ZMAT4: variants seen among roughly 807,000 people sequenced by gnomAD.
ZMAT4 encodes the protein zinc finger matrin-type 4.
Under a neutral mutation model 28.7 loss-of-function variants are expected in ZMAT4, and 17 were observed. The ratio of observed to expected loss-of-function variants is 0.59; its 90% CI spans 0.41 to 0.89. The LOEUF is 0.89. Among genes scored for constraint, ZMAT4 ranks in the 40% least tolerant of loss-of-function variants. The pLI, the probability that ZMAT4 is intolerant of heterozygous loss-of-function variation, is 0.00. For synonymous variants in ZMAT4, 117 were observed against 109.2 expected, an observed-to-expected ratio of 1.07 and a Z score of -0.44; for missense variants, 240 against 283.8, an observed-to-expected ratio of 0.85 and a Z score of 1.11.
At chr8:40,674,526 T>C (rs1808824063) in intron 5 of ZMAT4, 178 bp downstream of exon 5, 3 of 586,084 alleles carry the variant, frequency 5.1e-6, no homozygotes, top group Non-Finnish European at 9.1e-6. Context: ...AAGGAGATTA[T>C]AAAAATTAAA....
chr8:40,759,610 A>T (rs1479490516), intron 3 of ZMAT4, among the ~76,000 whole-genome samples: 6 of 152,114 alleles, frequency 3.9e-5, no homozygotes, highest in Admixed American at 3.9e-4. Flanking sequence ...TGTGAGAATT[A>T]CCTTTCTGAC....
intron 5 of ZMAT4, among the ~76,000 whole-genome samples, chr8:40,626,066 C>T (rs543252354): frequency 1.2e-4 from 17 of 146,130 alleles, no homozygotes; most frequent in African/African-American, 4.0e-4. Flanking sequence ...GCTGAGATTG[C>T]GCCATTGCAC....
intron 5 of ZMAT4, among the ~76,000 whole-genome samples, chr8:40,658,976 A>T (rs1177771649): frequency 6.6e-6 from 1 of 152,140 alleles, no homozygotes; most frequent in Non-Finnish European, 1.5e-5. Flanking sequence ...AAATATTATC[A>T]GTAGAAGGGT....
At chr8:40,731,204 A>G (rs895575516) in intron 3 of ZMAT4, among the ~76,000 whole-genome samples, 4 of 151,646 alleles carry the variant, frequency 2.6e-5, no homozygotes, top group Admixed American at 6.6e-5. Context: ...GATTTATAGG[A>G]CTGGTACCCA....
At chr8:40,532,727 G>A (rs1200084086) in intron 6 of ZMAT4, among the ~76,000 whole-genome samples, 2 of 152,104 alleles carry the variant, frequency 1.3e-5, no homozygotes, top group South Asian at 4.1e-4. Context: ...GCCAGGTGCA[G>A]TGGCTCATGC....
chr8:40,554,953 C>A (rs1262987006), intron 6 of ZMAT4, among the ~76,000 whole-genome samples: 1 of 152,046 alleles, frequency 6.6e-6, no homozygotes, highest in Non-Finnish European at 1.5e-5. Context: ...TCTCTTAATT[C>A]CACCTCCTCA....
rs541034740 is a variant in ZMAT4 at position 40,825,410 on chromosome 8, A to G, written c.102+165T>C. Among the ~76,000 whole-genome samples the G allele has an allele frequency of 2.6e-5, 4 of 152,268 alleles. No homozygotes were observed. In the East Asian group the frequency reaches 5.8e-4, roughly 22 times the overall value. On this transcript the variant is annotated intron_variant, in intron 2 of 6. Coordinates refer to ENST00000297737, the MANE Select transcript of ZMAT4 (RefSeq NM_024645.3). ...ATCCCCAACCCTCACTCCCAACCCCACACATATACACTTGTCCTGGCCTTG... is the reference window on the plus strand; with the variant it reads ...ATCCCCAACCCTCACTCCCAACCCCGCACATATACACTTGTCCTGGCCTTG...
chr8:40,601,552 AAAGAAAGAAAG>A (rs1805336177), intron 5 of ZMAT4, among the ~76,000 whole-genome samples: 1 of 139,042 alleles, frequency 7.2e-6, no homozygotes, highest in Non-Finnish European at 1.5e-5. Context: ...GGGGAGTGAG[AAAGAAAGAAAG>A]AAGAAAGAAA....
chr8:40,767,149 T>C (rs1380754684), intron 3 of ZMAT4, among the ~76,000 whole-genome samples: 1 of 152,222 alleles, frequency 6.6e-6, no homozygotes, highest in Non-Finnish European at 1.5e-5. Context: ...CAAGCAAATG[T>C]TCCTTCAGAG....
At chr8:40,619,111 G>A (rs1806114407) in intron 5 of ZMAT4, among the ~76,000 whole-genome samples, 1 of 152,162 alleles carries the variant, frequency 6.6e-6, no homozygotes, top group South Asian at 2.1e-4. Context: ...AGAAGGGGCA[G>A]GACTATTAAT....
chr8:40,820,727 G>C (rs1302696200), intron 2 of ZMAT4, among the ~76,000 whole-genome samples: 2 of 478 alleles, frequency 4.2e-3, no homozygotes, highest in Non-Finnish European at 9.2e-3. Context: ...ACGTGTGTAT[G>C]TCTGTGTATG....
chr8:40,549,871 A>G (rs926443929), intron 6 of ZMAT4, among the ~76,000 whole-genome samples: 3 of 152,182 alleles, frequency 2.0e-5, no homozygotes, highest in Non-Finnish European at 4.4e-5. Flanking sequence ...TAATGTACTG[A>G]GAATTTCTTT....
intron 5 of ZMAT4, among the ~76,000 whole-genome samples, chr8:40,641,676 T>A (rs1403333982): frequency 6.6e-6 from 1 of 152,160 alleles, no homozygotes; most frequent in Non-Finnish European, 1.5e-5. Flanking sequence ...CCCTCTTTTT[T>A]TATTCTTATT....
chr8:40,570,975 G>T (rs547062608), intron 6 of ZMAT4, among the ~76,000 whole-genome samples: 21 of 152,132 alleles, frequency 1.4e-4, no homozygotes, highest in African/African-American at 4.8e-4. Context: ...AAGCAGCATC[G>T]TAAGAACATG....
chr8:40,834,842 C>G (rs921071953), intron 1 of ZMAT4, among the ~76,000 whole-genome samples: 6 of 152,210 alleles, frequency 3.9e-5, no homozygotes, highest in Admixed American at 2.0e-4. Flanking sequence ...ATCTGAGTAC[C>G]AGAGGCAGGT....
chr8:40,723,270 C>T (rs766979859), intron 3 of ZMAT4, among the ~76,000 whole-genome samples: 7 of 150,708 alleles, frequency 4.6e-5, no homozygotes, highest in African/African-American at 7.5e-5. Context: ...GGACTGGGCA[C>T]GGTGGCTCAC....
intron 6 of ZMAT4, among the ~76,000 whole-genome samples, chr8:40,560,218 A>AT (rs1563340240): frequency 2.1e-4 from 28 of 134,740 alleles, no homozygotes; most frequent in African/African-American, 6.0e-4. Context: ...TATATATATA[A>AT]AATTTGACCA....
intron 4 of ZMAT4, among the ~76,000 whole-genome samples, chr8:40,685,608 A>AT (rs5891112): frequency 0.064 from 9,783 of 151,890 alleles, 378 homozygotes; most frequent in African/African-American, 0.091. Context: ...ATTTTGAGGG[A>AT]TTTTTTTTAG....
intron 6 of ZMAT4, among the ~76,000 whole-genome samples, chr8:40,550,886 T>C (rs750792511): frequency 6.6e-6 from 1 of 152,208 alleles, no homozygotes; most frequent in Non-Finnish European, 1.5e-5. Context: ...GACAGGTTTC[T>C]CCTCTGGAAA....
Sources: allele counts gnomAD v4.1 joint callset (sites outside exome capture counted in the v4.1 genomes callset), GRCh38; gene constraint gnomAD v4.1.1; transcripts MANE v1.5; gene names NCBI Gene and HGNC (gene_info 2026-07-23, HGNC 2026-07-21).